Variants in MATCAP1 observed in about 807,000 individuals in gnomAD.
MATCAP1 encodes the protein microtubule associated tyrosine carboxypeptidase 1, also known as microtubule-associated tyrosine carboxypeptidase 1.
At chr16:67,180,715 A>G in the MATCAP1 span, 1 of 755,918 alleles carries the variant, frequency 1.3e-6, no homozygotes, top group Non-Finnish European at 2.0e-6. Context: ...GGGTGTGACC[A>G]AACGACCAGC....
chr16:67,178,128 T>G, the MATCAP1 span: 4 of 1,601,802 alleles, frequency 2.5e-6, no homozygotes, highest in Non-Finnish European at 2.6e-6. Flanking sequence ...AGGAGGGCGG[T>G]GAGCCCCGCC....
At chr16:67,176,054 AGTGTGTGTGTGTGT>A in the MATCAP1 span, 7,107 of 71,564 alleles carry the variant, frequency 0.099, 314 homozygotes, top group East Asian at 0.13. This position sits in a 1 kb window ranked among gnomAD's most constrained non-coding sequence, Gnocchi z 4.3. Context: ...GGCCTGAATC[AGTGTGTGTGTGTGT>A]GTGTGTGTGT....
At chr16:67,176,723 C>T in the MATCAP1 span, 21 of 1,268,018 alleles carry the variant, frequency 1.7e-5, no homozygotes, top group Admixed American at 5.6e-5. The surrounding 1 kb of genome is among the most constrained non-coding windows in gnomAD (Gnocchi z 4.3). Context: ...ACACCTAGGC[C>T]GTGGACGCAC....
chr16:67,176,555 T>C, the MATCAP1 span: 1 of 386,030 alleles, frequency 2.6e-6, no homozygotes, highest in Non-Finnish European at 4.6e-6. The surrounding 1 kb of genome is among the most constrained non-coding windows in gnomAD (Gnocchi z 4.3). Flanking sequence ...ATGCCTTCCC[T>C]CTGCTCAACA....
chr16:67,179,307 C>T, the MATCAP1 span: 2 of 1,501,306 alleles, frequency 1.3e-6, no homozygotes, highest in East Asian at 4.6e-5. The surrounding 1 kb of genome is among the most constrained non-coding windows in gnomAD (Gnocchi z 5.2). Flanking sequence ...AGGGAAAGCC[C>T]CGACCTCAGG....
At chr16:67,182,048 C>T in the MATCAP1 span, among the ~76,000 whole-genome samples, 56 of 152,204 alleles carry the variant, frequency 3.7e-4, no homozygotes, top group African/African-American at 1.3e-3. Context: ...GTCGGGAGTT[C>T]GAGACCAGCC....
the MATCAP1 span, chr16:67,175,937 C>T: frequency 6.6e-6 from 1 of 152,570 alleles, no homozygotes; most frequent in African/African-American, 2.4e-5. Flanking sequence ...GCTATGCCAA[C>T]CTCTGCCAGA....
chr16:67,176,306 G>T, the MATCAP1 span: 1 of 153,682 alleles, frequency 6.5e-6, no homozygotes, highest in Non-Finnish European at 1.5e-5. This position sits in a 1 kb window ranked among gnomAD's most constrained non-coding sequence, Gnocchi z 4.3. Flanking sequence ...AGGCCAGCTG[G>T]GTCTCTACTA....
At chr16:67,179,993 GC>G in the MATCAP1 span, 1 of 1,613,310 alleles carries the variant, frequency 6.2e-7, no homozygotes, top group Non-Finnish European at 8.5e-7. The surrounding 1 kb of genome is among the most constrained non-coding windows in gnomAD (Gnocchi z 5.2). Flanking sequence ...GTCAGGACAA[GC>G]CCCTTGGGTG....
At chr16:67,180,068 G>A in the MATCAP1 span, 15 of 1,614,056 alleles carry the variant, frequency 9.3e-6, 1 homozygote, top group South Asian at 2.2e-5. Context: ...CAGAGGCCTC[G>A]CAGTACTTTT....
chr16:67,181,626 C>G, the MATCAP1 span: 1 of 152,286 alleles, frequency 6.6e-6, no homozygotes, highest in African/African-American at 2.4e-5. Flanking sequence ...TCTCCTCTCT[C>G]CTACATCATC....
At chr16:67,178,749 C>G in the MATCAP1 span, 1 of 692,806 alleles carries the variant, frequency 1.4e-6, no homozygotes, top group Non-Finnish European at 2.6e-6. Context: ...ACCCATCCGC[C>G]CCCCACCCTA....
the MATCAP1 span, chr16:67,180,405 A>G: frequency 1.2e-6 from 2 of 1,612,858 alleles, no homozygotes; most frequent in South Asian, 1.1e-5. Flanking sequence ...GCCCAGGAGC[A>G]TCTGTGAGAA....
chr16:67,181,236 C>T, the MATCAP1 span, among the ~76,000 whole-genome samples: 1 of 152,228 alleles, frequency 6.6e-6, no homozygotes, highest in East Asian at 1.9e-4. Flanking sequence ...CCTATGGCAT[C>T]TTCTCAGTGC....
chr16:67,178,995 C>G, the MATCAP1 span: 1 of 608,674 alleles, frequency 1.6e-6, no homozygotes. Flanking sequence ...CCTGCCCAAA[C>G]TGGCCAGTCC....
At chr16:67,180,336 C>T in the MATCAP1 span, 37 of 1,612,220 alleles carry the variant, frequency 2.3e-5, no homozygotes, top group African/African-American at 1.6e-4. Context: ...GCCACGCCCC[C>T]GCCGGCCAGT....
the MATCAP1 span, among the ~76,000 whole-genome samples, chr16:67,180,950 C>G: frequency 2.0e-5 from 3 of 152,210 alleles, no homozygotes; most frequent in Non-Finnish European, 2.9e-5. Flanking sequence ...CAGCCTCCAA[C>G]TCCTGGCCTG....
chr16:67,177,102 A>G, the MATCAP1 span: 1 of 707,898 alleles, frequency 1.4e-6, no homozygotes, highest in South Asian at 2.5e-5. Flanking sequence ...CCTGATCCAC[A>G]ATTAGCTACA....
chr16:67,178,080 A>G, the MATCAP1 span: 3 of 1,614,136 alleles, frequency 1.9e-6, no homozygotes, highest in Non-Finnish European at 2.5e-6. Flanking sequence ...GATGCCGTCC[A>G]GGTACACCTG....
Sources: allele counts gnomAD v4.1 joint callset (sites outside exome capture counted in the v4.1 genomes callset), GRCh38; gene constraint gnomAD v4.1.1; non-coding constraint Gnocchi (gnomAD v3.1); transcripts MANE v1.5; gene names NCBI Gene and HGNC (gene_info 2026-07-23, HGNC 2026-07-21).